Variants in CLSTN2 observed in about 807,000 individuals in gnomAD.
CLSTN2 encodes the protein calsyntenin-2.
Under a neutral mutation model 101.2 loss-of-function variants are expected in CLSTN2, and 48 were observed. The ratio of observed to expected loss-of-function variants is 0.47; its 90% confidence interval spans 0.38 to 0.60. CLSTN2 has a LOEUF of 0.60. CLSTN2 is among the 20% of genes least tolerant of loss of function. The pLI, the probability that CLSTN2 is intolerant of heterozygous loss-of-function variation, is 0.00. For synonymous variants in CLSTN2, 481 were observed against 463.6 expected, an observed-to-expected ratio of 1.04 and a Z score of -0.48; for missense variants, 1,160 against 1,238.2, an observed-to-expected ratio of 0.94 and a Z score of 0.95.
chr3:140,441,358 G>T (rs543430963), intron 5 of CLSTN2, among the ~76,000 whole-genome samples: 7 of 152,308 alleles, frequency 4.6e-5, no homozygotes, highest in African/African-American at 1.7e-4. Flanking sequence ...AGCAGGATTT[G>T]TGACAAGGAA....
At chr3:140,119,022 G>C (rs2009294375) in intron 1 of CLSTN2, among the ~76,000 whole-genome samples, 1 of 152,258 alleles carries the variant, frequency 6.6e-6, no homozygotes, top group African/African-American at 2.4e-5. Context: ...GGGATCCAAG[G>C]AGGACACAGG....
chr3:140,546,482 T>C (rs1559900726), intron 9 of CLSTN2, 33 bp from the exon 10 acceptor site: 1 of 1,607,216 alleles, frequency 6.2e-7, no homozygotes, highest in African/African-American at 1.3e-5. Context: ...TACCCAGTCT[T>C]CACAGGGCAA....
chr3:140,368,238 C>T (rs1052309531), intron 2 of CLSTN2, among the ~76,000 whole-genome samples: 37 of 152,076 alleles, frequency 2.4e-4, no homozygotes, highest in African/African-American at 8.7e-4. Context: ...ATCTGTGTGC[C>T]CCCCAGAGCA....
chr3:140,267,970 T>G (rs565061580), intron 2 of CLSTN2, among the ~76,000 whole-genome samples: 138 of 152,266 alleles, frequency 9.1e-4, no homozygotes, highest in African/African-American at 3.2e-3. Flanking sequence ...ATCCATTAGC[T>G]CCTGTTATAT....
chr3:140,348,157 G>GA (rs1216650878), intron 2 of CLSTN2, among the ~76,000 whole-genome samples: 1 of 152,142 alleles, frequency 6.6e-6, no homozygotes, highest in African/African-American at 2.4e-5. Context: ...CCCCACTCTG[G>GA]AAATGGTAGA....
intron 1 of CLSTN2, among the ~76,000 whole-genome samples, chr3:140,006,525 C>T (rs2006958346): frequency 6.6e-6 from 1 of 152,218 alleles, no homozygotes; most frequent in South Asian, 2.1e-4. Context: ...CTTAATCTCT[C>T]TGGCTGGCTG....
chr3:140,200,397 C>A (rs376357735), intron 2 of CLSTN2, among the ~76,000 whole-genome samples: 1 of 151,984 alleles, frequency 6.6e-6, no homozygotes, highest in East Asian at 1.9e-4. Context: ...ACGTAATGAC[C>A]GCCAAAAAGA....
chr3:140,116,027 G>A (rs1325146082), intron 1 of CLSTN2, among the ~76,000 whole-genome samples: 2 of 152,174 alleles, frequency 1.3e-5, no homozygotes, highest in Admixed American at 6.5e-5. Flanking sequence ...CAGAATGTCT[G>A]GTACATTGGT....
At chr3:140,160,316 T>G (rs1265994642) in intron 1 of CLSTN2, among the ~76,000 whole-genome samples, 1 of 152,120 alleles carries the variant, frequency 6.6e-6, no homozygotes, top group East Asian at 1.9e-4. Flanking sequence ...TATCTTAAAT[T>G]TAATATGGTG....
intron 1 of CLSTN2, among the ~76,000 whole-genome samples, chr3:139,955,959 A>G (rs1422341632): frequency 6.6e-6 from 1 of 152,174 alleles, no homozygotes; most frequent in Non-Finnish European, 1.5e-5. Context: ...ATAGTTACAT[A>G]TCTTCGTTAA....
intron 1 of CLSTN2, among the ~76,000 whole-genome samples, chr3:139,979,965 T>C (rs1390905317): frequency 6.6e-6 from 1 of 151,992 alleles, no homozygotes; most frequent in Non-Finnish European, 1.5e-5. Context: ...TCTGTTTCTC[T>C]CACTTCACAT....
chr3:140,299,962 G>A (rs901904782), intron 2 of CLSTN2, among the ~76,000 whole-genome samples: 1 of 152,164 alleles, frequency 6.6e-6, no homozygotes, highest in Non-Finnish European at 1.5e-5. Flanking sequence ...ATGTGATGAT[G>A]GTTTTGTGTA....
intron 1 of CLSTN2, among the ~76,000 whole-genome samples, chr3:140,141,914 A>T (rs1480948798): frequency 6.6e-6 from 1 of 152,208 alleles, no homozygotes; most frequent in Admixed American, 6.5e-5. Flanking sequence ...CTTACCCCAG[A>T]AGGGGTCTTG....
chr3:140,106,971 A>C (rs1337508046), intron 1 of CLSTN2, among the ~76,000 whole-genome samples: 1 of 152,202 alleles, frequency 6.6e-6, no homozygotes, highest in Non-Finnish European at 1.5e-5. Flanking sequence ...GTGATCATTT[A>C]ATTAGTGACA....
At chr3:140,056,536 C>A (rs2008099641) in intron 1 of CLSTN2, among the ~76,000 whole-genome samples, 1 of 152,124 alleles carries the variant, frequency 6.6e-6, no homozygotes, top group Non-Finnish European at 1.5e-5. Flanking sequence ...GGGAGCCTGG[C>A]TTATGGAACA....
intron 2 of CLSTN2, among the ~76,000 whole-genome samples, chr3:140,350,735 A>C (rs1192361173): frequency 6.6e-6 from 1 of 152,218 alleles, no homozygotes; most frequent in Non-Finnish European, 1.5e-5. Flanking sequence ...TGCTACATTT[A>C]AGTAAACAAT....
chr3:140,294,002 T>G (rs1428459065), intron 2 of CLSTN2, among the ~76,000 whole-genome samples: 3 of 152,198 alleles, frequency 2.0e-5, no homozygotes, highest in Non-Finnish European at 4.4e-5. Context: ...CTGTGCCCCA[T>G]GGAAAGCACT....
At chr3:140,161,533 C>G (rs181932449) in intron 1 of CLSTN2, among the ~76,000 whole-genome samples, 1 of 152,138 alleles carries the variant, frequency 6.6e-6, no homozygotes, top group East Asian at 1.9e-4. Flanking sequence ...TGCTAGTGAT[C>G]CAGTCAACAA....
intron 1 of CLSTN2, among the ~76,000 whole-genome samples, chr3:140,154,236 G>A (rs1030513440): frequency 6.6e-6 from 1 of 152,138 alleles, no homozygotes; most frequent in African/African-American, 2.4e-5. Flanking sequence ...ATGATAATAA[G>A]GAGCCAGTCA....
Sources: gnomAD v4.1 joint callset for allele counts (sites outside exome capture counted in the v4.1 genomes callset) on GRCh38, gnomAD v4.1.1 for gene constraint, MANE v1.5 for transcripts, NCBI Gene and HGNC (gene_info 2026-07-23, HGNC 2026-07-21) for gene names.